Variants in PRKG1 observed in about 807,000 individuals in gnomAD.
PRKG1 encodes protein kinase cGMP-dependent 1, also known as cGMP-dependent protein kinase 1.
A neutral mutation model predicts 88.1 loss-of-function variants in PRKG1; 35 were observed. The ratio of observed to expected loss-of-function variants is 0.40; its 90% CI spans 0.30 to 0.53. PRKG1 has a LOEUF of 0.53. Among genes scored for constraint, PRKG1 ranks in the 20% least tolerant of loss-of-function variants. The pLI is 0.59. For missense variants in PRKG1, 540 were observed against 839.8 expected, an observed-to-expected ratio of 0.64 and a Z score of 4.41; for synonymous variants, 303 against 292.5, an observed-to-expected ratio of 1.04 and a Z score of -0.37.
At chr10:51,640,242 A>G (rs1220801196) in intron 3 of PRKG1, among the ~76,000 whole-genome samples, 3 of 152,186 alleles carry the variant, frequency 2.0e-5, no homozygotes, top group African/African-American at 7.2e-5. Flanking sequence ...TTATCATAGC[A>G]TTACATGTAT....
intron 2 of PRKG1, among the ~76,000 whole-genome samples, chr10:51,237,117 C>T (rs1839015906): frequency 6.6e-6 from 1 of 152,218 alleles, no homozygotes; most frequent in African/African-American, 2.4e-5. Context: ...TAACTCTAGG[C>T]AGTGGACATT....
At chr10:51,084,072 A>G (rs1346269109) in intron 1 of PRKG1, among the ~76,000 whole-genome samples, 1 of 152,200 alleles carries the variant, frequency 6.6e-6, no homozygotes, top group Non-Finnish European at 1.5e-5. Flanking sequence ...ATGAAAATGT[A>G]TTCAGCTGAC....
In PRKG1 at chr10:51,655,001, T is replaced by G. The variant is rs899373780; in HGVS notation, c.593-149584T>G. 3.0e-4 allele frequency among the ~76,000 whole-genome samples: 45 copies of G among 152,334 alleles called. 1 individual carries two copies. The highest frequency in any genetic ancestry group is 1.1e-3 in the African/African-American group (45 of 41,586). On this transcript the variant is annotated intron_variant, in intron 3 of 17. Coordinates refer to ENST00000373980, the MANE Select transcript of PRKG1 (RefSeq NM_006258.4). ...GCCCAGTTTAGAATTTCTGTATTTT[T>G]CCTCCCATCTTGGGTTACTTGTTAG... is the stretch of plus-strand genomic sequence containing the variant.
intron 2 of PRKG1, among the ~76,000 whole-genome samples, chr10:51,226,714 A>G (rs1318144333): frequency 2.6e-5 from 4 of 152,238 alleles, no homozygotes; most frequent in Admixed American, 1.3e-4. Context: ...GAAATAAACT[A>G]TGGAGAATAA....
chr10:51,897,703 G>A (rs1333911451), intron 4 of PRKG1, among the ~76,000 whole-genome samples: 1 of 151,938 alleles, frequency 6.6e-6, no homozygotes, highest in Non-Finnish European at 1.5e-5. Context: ...AAATCATGTT[G>A]CTTCTGCTTT....
At chr10:51,663,724 A>AG (rs1840356555) in intron 3 of PRKG1, among the ~76,000 whole-genome samples, 2 of 131,896 alleles carry the variant, frequency 1.5e-5, no homozygotes, top group Admixed American at 7.9e-5. Context: ...AAAAAAAAAA[A>AG]CACACCTGAC....
chr10:51,522,368 C>T (rs1340814610), intron 3 of PRKG1, among the ~76,000 whole-genome samples: 1 of 152,148 alleles, frequency 6.6e-6, no homozygotes, highest in African/African-American at 2.4e-5. Context: ...TTTAACTTTG[C>T]TTTTGAATAG....
chr10:52,110,153 C>G (rs903348197), intron 7 of PRKG1, among the ~76,000 whole-genome samples: 1 of 151,838 alleles, frequency 6.6e-6, no homozygotes, highest in Non-Finnish European at 1.5e-5. Flanking sequence ...TTGAGACCAT[C>G]CTGGCTAACA....
chr10:52,122,853 G>T (rs1373229567), intron 7 of PRKG1, among the ~76,000 whole-genome samples: 1 of 152,176 alleles, frequency 6.6e-6, no homozygotes, highest in East Asian at 1.9e-4. Context: ...ACATTTAGGG[G>T]AATGAATTCA....
intron 12 of PRKG1, among the ~76,000 whole-genome samples, chr10:52,278,753 A>T (rs1841932808): frequency 6.6e-6 from 1 of 151,994 alleles, no homozygotes; most frequent in African/African-American, 2.4e-5. Flanking sequence ...ACTTAAAAAA[A>T]TTACATGGGC....
chr10:51,999,438 A>C (rs958209073), intron 5 of PRKG1, among the ~76,000 whole-genome samples: 2 of 152,226 alleles, frequency 1.3e-5, no homozygotes, highest in African/African-American at 2.4e-5. Context: ...GGGATGTTTT[A>C]GGGTTAGAAT....
chr10:51,288,573 A>C lies in PRKG1; in HGVS notation c.478+135243A>C, dbSNP rs551863116. Among the ~76,000 whole-genome samples, 164 of 152,322 alleles carry C rather than the reference A, an allele frequency of 1.1e-3. 1 individual carries two copies. Among genetic ancestry groups the C allele is most frequent in the African/African-American group, 3.9e-3 (163 of 41,578 alleles). Reference sequence around the variant, plus strand: ...AGGTTGTTAATCATTATGATAGTTCAAGGAGATTCTGAGTGAATAAGAAAT... The same window carrying C: ...AGGTTGTTAATCATTATGATAGTTCCAGGAGATTCTGAGTGAATAAGAAAT... On this transcript the variant is annotated intron_variant, in intron 2 of 17. Coordinates refer to ENST00000373980, the MANE Select transcript of PRKG1 (RefSeq NM_006258.4).
At chr10:52,034,410 G>C (rs183730262) in intron 5 of PRKG1, among the ~76,000 whole-genome samples, 15 of 145,288 alleles carry the variant, frequency 1.0e-4, no homozygotes, top group African/African-American at 2.0e-4. Context: ...GTGATATTGT[G>C]GGGATGTTAG....
chr10:52,269,869 A>G (rs997460590), intron 10 of PRKG1, among the ~76,000 whole-genome samples: 1 of 151,882 alleles, frequency 6.6e-6, no homozygotes, highest in African/African-American at 2.4e-5. Context: ...TGAGTAAGGC[A>G]TGTGGAAGAT....
intron 8 of PRKG1, among the ~76,000 whole-genome samples, chr10:52,159,985 C>G (rs1564495124): frequency 6.6e-6 from 1 of 151,836 alleles, no homozygotes; most frequent in Admixed American, 6.6e-5. Context: ...ATATAAAGGA[C>G]AGAAGCATTA....
At position 51,926,714 on chromosome 10, in the gene PRKG1, C is replaced by T. The variant is rs549954490; in HGVS notation, c.762+19144C>T. Among the ~76,000 whole-genome samples the T allele has an allele frequency of 1.0e-4, 15 of 150,652 alleles. No individual in the cohort carries two copies. In the South Asian group the frequency reaches 1.5e-3, roughly 15 times the overall value. ...TAGACATATCAGTTTTCCATAGTTA[C>T]GGCTTATTTTCTCTGAAAATTTCTT... is the stretch of plus-strand genomic sequence containing the variant. On this transcript the variant is annotated intron_variant, in intron 5 of 17. Transcript: ENST00000373980.
chr10:52,121,321 TCTTC>T (rs1310757321), intron 7 of PRKG1, among the ~76,000 whole-genome samples: 2 of 152,210 alleles, frequency 1.3e-5, no homozygotes, highest in African/African-American at 4.8e-5. Context: ...ATAGGATCTA[TCTTC>T]CTTCCATCCA....
intron 2 of PRKG1, among the ~76,000 whole-genome samples, chr10:51,194,723 A>C (rs1344935269): frequency 6.6e-6 from 1 of 152,248 alleles, no homozygotes; most frequent in East Asian, 1.9e-4. Context: ...TTTATAATAA[A>C]CATAAATTTA....
intron 2 of PRKG1, among the ~76,000 whole-genome samples, chr10:51,195,822 A>G (rs1837749191): frequency 6.6e-6 from 1 of 152,198 alleles, no homozygotes; most frequent in Non-Finnish European, 1.5e-5. Flanking sequence ...ATTCTTTTAT[A>G]CTAAATTTCA....
Sources: gnomAD v4.1 joint callset for allele counts (sites outside exome capture counted in the v4.1 genomes callset) on GRCh38, gnomAD v4.1.1 for gene constraint, MANE v1.5 for transcripts, NCBI Gene and HGNC (gene_info 2026-07-23, HGNC 2026-07-21) for gene names.